The following COL19A1 variants were observed in gnomAD, a reference collection of about 807,000 sequenced individuals.
The protein encoded by COL19A1 is collagen alpha-1(XIX) chain.
A neutral mutation model predicts 190.2 loss-of-function variants in COL19A1; 159 were observed. That is an observed-to-expected ratio of 0.84 (90% CI 0.73 to 0.95). COL19A1 has a LOEUF of 0.95. Ranked by LOEUF, COL19A1 falls within the 40% of genes least tolerant of loss-of-function variation. COL19A1 has a pLI of 0.00. For missense variants in COL19A1, 1,418 were observed against 1,431.9 expected (o/e 0.99, Z 0.16); for synonymous variants, 509 against 458.9 (o/e 1.11, Z -1.39).
chr6:70,144,258 G>T lies in COL19A1; in HGVS notation c.1675G>T (p.Glu559Ter). The change falls in exon 24 of 51, where the codon GAA becomes TAA. Residue 559 changes from glutamate (E) to a stop codon, truncating the protein, a stop_gained. Coordinates refer to ENST00000620364, the MANE Select transcript of COL19A1 (RefSeq NM_001858.6). LOFTEE classifies it high-confidence loss of function. ...CCCAGGAAAACAAGGCATTAAAGGAGAAAAGGTATAGTTTACATTTTCCTC... is the reference window on the plus strand; with the variant it reads ...CCCAGGAAAACAAGGCATTAAAGGATAAAAGGTATAGTTTACATTTTCCTC... ...GIPGKQGIKG[E>*]KGDPGGIIGP... 6.2e-7 allele frequency: 1 copy of T among 1,612,014 alleles called. No homozygotes were observed.
intron 11 of COL19A1, chr6:69,974,342 T>A (rs536469583): frequency 6.6e-6 from 1 of 152,242 alleles, no homozygotes; most frequent in Admixed American, 6.5e-5. Context: ...TTTAATTGCC[T>A]GCACTTGTCC....
chr6:69,944,804 T>G (rs761972911), intron 9 of COL19A1, among the ~76,000 whole-genome samples: 4 of 152,056 alleles, frequency 2.6e-5, no homozygotes, highest in Non-Finnish European at 4.4e-5. Context: ...TGTATTTAAT[T>G]ATCTAGTTGT....
chr6:69,964,927 T>C (rs573017512), intron 11 of COL19A1, among the ~76,000 whole-genome samples: 135 of 152,326 alleles, frequency 8.9e-4, no homozygotes, highest in Admixed American at 2.4e-3. Context: ...TTTGAGTTTT[T>C]TCAATGTTAG....
intron 11 of COL19A1, among the ~76,000 whole-genome samples, chr6:69,976,000 C>G (rs1259679419): frequency 6.6e-6 from 1 of 152,132 alleles, no homozygotes; most frequent in Non-Finnish European, 1.5e-5. Context: ...ATGGTATTGC[C>G]TATTGATAAT....
intron 36 of COL19A1, 143 bp downstream of exon 36, chr6:70,163,539 T>A (rs771013157): frequency 1.1e-4 from 75 of 705,328 alleles, no homozygotes; most frequent in Non-Finnish European, 1.6e-4. Flanking sequence ...TGTAGTGGAT[T>A]TGGAAGAACA....
intron 12 of COL19A1, among the ~76,000 whole-genome samples, chr6:70,030,320 C>G (rs1778982075): frequency 6.6e-6 from 1 of 151,940 alleles, no homozygotes; most frequent in African/African-American, 2.4e-5. Flanking sequence ...TTATTTTATA[C>G]CTACAAAATA....
At chr6:69,956,604 G>A (rs1021458651) in intron 9 of COL19A1, among the ~76,000 whole-genome samples, 2 of 151,910 alleles carry the variant, frequency 1.3e-5, no homozygotes, top group Non-Finnish European at 2.9e-5. Flanking sequence ...GAATAAAGCA[G>A]GACTATAGTC....
chr6:70,079,708 G>A (rs1172558525), intron 15 of COL19A1, among the ~76,000 whole-genome samples: 1 of 152,166 alleles, frequency 6.6e-6, no homozygotes, highest in Non-Finnish European at 1.5e-5. Context: ...GTTGCACAGA[G>A]GCAGACATGA....
chr6:70,125,771 C>A (rs1309503715), intron 17 of COL19A1, among the ~76,000 whole-genome samples: 1 of 152,130 alleles, frequency 6.6e-6, no homozygotes, highest in African/African-American at 2.4e-5. Context: ...CAGCTGCTCC[C>A]ATTCTGCAAG....
At chr6:70,168,823 A>G (rs1765326050) in intron 40 of COL19A1, 142 bp downstream of exon 40, 1 of 760,722 alleles carries the variant, frequency 1.3e-6, no homozygotes, top group Non-Finnish European at 2.2e-6. Context: ...CACAATATAA[A>G]TGCCAGCAAT....
intron 14 of COL19A1, among the ~76,000 whole-genome samples, chr6:70,041,431 G>A (rs963836875): frequency 6.6e-6 from 1 of 151,914 alleles, no homozygotes; most frequent in Non-Finnish European, 1.5e-5. Context: ...TTTAAAAATA[G>A]CACATCTTGT....
intron 22 of COL19A1, 141 bp downstream of exon 22, chr6:70,142,217 C>A: frequency 2.7e-6 from 2 of 735,418 alleles, no homozygotes; most frequent in South Asian, 1.8e-5. Flanking sequence ...TGGTGATTTT[C>A]CCCACTGGCT....
At chr6:69,916,292 A>G (rs920104923) in intron 4 of COL19A1, among the ~76,000 whole-genome samples, 3 of 152,230 alleles carry the variant, frequency 2.0e-5, no homozygotes, top group Admixed American at 6.5e-5. Flanking sequence ...ATGTTTACCT[A>G]TGTAACAAAA....
intron 8 of COL19A1, 102 bp from the exon 9 acceptor site, chr6:69,937,936 C>A: frequency 9.0e-7 from 1 of 1,109,302 alleles, no homozygotes; most frequent in Non-Finnish European, 1.3e-6. Flanking sequence ...CAGAGGAGAA[C>A]AAAGCGTTAT....
chr6:69,891,124 G>T, intron 2 of COL19A1: 1 of 219,384 alleles, frequency 4.6e-6, no homozygotes, highest in Non-Finnish European at 9.9e-6. Flanking sequence ...TGAAACAAGG[G>T]GAGGGATAAG....
chr6:70,126,561 G>A (rs766957352), intron 17 of COL19A1, among the ~76,000 whole-genome samples: 15 of 152,200 alleles, frequency 9.9e-5, no homozygotes, highest in Non-Finnish European at 1.9e-4. Context: ...CTTGCGGCTG[G>A]TGAAATGGTT....
intron 16 of COL19A1, among the ~76,000 whole-genome samples, chr6:70,110,401 T>C (rs1784218130): frequency 6.6e-6 from 1 of 152,172 alleles, no homozygotes; most frequent in Admixed American, 6.6e-5. Context: ...TAACAATTTA[T>C]TTGAGTCAAT....
rs116181832 is a variant in COL19A1 at position 70,058,481 on chromosome 6, G to A, written c.1171-9942G>A. ...CCTATTCTCTCTTATCAGTGCTTCC[G>A]GGGAGATTTGTCAAGGCCTTTATTA... On this transcript the variant is annotated intron_variant, in intron 14 of 50. Transcript: ENST00000620364. Among the ~76,000 whole-genome samples, 1,041 of 152,002 alleles carry A rather than the reference G, an allele frequency of 6.8e-3. 11 individuals carry two copies. The highest frequency in any genetic ancestry group is 0.021 in the African/African-American group (874 of 41,490).
chr6:70,105,134 A>C (rs1783872479), intron 16 of COL19A1, among the ~76,000 whole-genome samples: 1 of 152,200 alleles, frequency 6.6e-6, no homozygotes, highest in Non-Finnish European at 1.5e-5. Flanking sequence ...TGGTTTATTA[A>C]CTTTTTAAAT....
Sources: gnomAD v4.1 joint callset for allele counts (sites outside exome capture counted in the v4.1 genomes callset) on GRCh38, gnomAD v4.1.1 for gene constraint, MANE v1.5 for transcripts, NCBI Gene and HGNC (gene_info 2026-07-23, HGNC 2026-07-21) for gene names.